ANKRD28: variants seen among roughly 807,000 people sequenced by gnomAD.
ANKRD28 encodes ankyrin repeat domain 28, also known as serine/threonine-protein phosphatase 6 regulatory ankyrin repeat subunit A.
A neutral mutation model predicts 126.5 loss-of-function variants in ANKRD28; 44 were observed. That is an observed-to-expected ratio of 0.35 (90% CI 0.27 to 0.45). ANKRD28 has a LOEUF of 0.45. Among genes scored for constraint, ANKRD28 ranks in the 20% least tolerant of loss-of-function variants. ANKRD28 has a pLI of 1.00. For synonymous variants in ANKRD28, 442 were observed against 468.5 expected, an observed-to-expected ratio of 0.94 and a Z score of 0.73; for missense variants, 1,110 against 1,316.6, an observed-to-expected ratio of 0.84 and a Z score of 2.43.
intron 3 of ANKRD28, among the ~76,000 whole-genome samples, chr3:15,762,016 T>C (rs1203715359): frequency 6.6e-6 from 1 of 151,816 alleles, no homozygotes; most frequent in Non-Finnish European, 1.5e-5. Flanking sequence ...TGAAACCCCA[T>C]CTCTACTAAA....
intron 4 of ANKRD28, among the ~76,000 whole-genome samples, chr3:15,750,299 TTTTA>T (rs1218548672): frequency 2.6e-5 from 4 of 152,252 alleles, no homozygotes; most frequent in African/African-American, 7.2e-5. Flanking sequence ...TCTTAACTGT[TTTTA>T]TTTAAATAAA....
chr3:15,678,151 G>A, intron 24 of ANKRD28, 58 bp downstream of exon 24: 1 of 1,489,490 alleles, frequency 6.7e-7, no homozygotes, highest in Non-Finnish European at 9.0e-7. Flanking sequence ...TGGGATCTAA[G>A]TTATACATAA....
chr3:15,704,253 C>T (rs564334340), intron 14 of ANKRD28, among the ~76,000 whole-genome samples: 133 of 152,076 alleles, frequency 8.7e-4, no homozygotes, highest in African/African-American at 3.2e-3. Context: ...ACCAAGAACG[C>T]AGGCATCAGG....
chr3:15,841,915 A>T (rs1232447786), intron 1 of ANKRD28, among the ~76,000 whole-genome samples: 1 of 152,092 alleles, frequency 6.6e-6, no homozygotes, highest in Non-Finnish European at 1.5e-5. Context: ...CATATGATCC[A>T]GTAATCCATC....
intron 12 of ANKRD28, 131 bp from the exon 13 acceptor site, chr3:15,709,867 A>T: frequency 1.8e-6 from 1 of 568,238 alleles, no homozygotes; most frequent in Non-Finnish European, 3.1e-6. Flanking sequence ...TTTACATTCT[A>T]TGAAGAATAA....
intron 1 of ANKRD28, among the ~76,000 whole-genome samples, chr3:15,828,297 GTC>G (rs1341237536): frequency 6.6e-6 from 1 of 152,084 alleles, no homozygotes; most frequent in African/African-American, 2.4e-5. Flanking sequence ...CCTTCTGAAA[GTC>G]TCAGAGAAAC....
chr3:15,690,282 TG>T, intron 17 of ANKRD28, 62 bp from the exon 18 acceptor site: 1 of 1,335,456 alleles, frequency 7.5e-7, no homozygotes, highest in Non-Finnish European at 1.0e-6. Context: ...CCTAAATACT[TG>T]AATAAATGTA....
At chr3:15,726,881 T>C (rs2074211732) in intron 6 of ANKRD28, among the ~76,000 whole-genome samples, 1 of 152,232 alleles carries the variant, frequency 6.6e-6, no homozygotes, top group Non-Finnish European at 1.5e-5. Context: ...TTCTGAAAAT[T>C]CTACAGCCCA....
chr3:15,675,748 G>C (rs190169647), intron 27 of ANKRD28, 150 bp downstream of exon 27: 4 of 555,362 alleles, frequency 7.2e-6, no homozygotes, highest in Non-Finnish European at 1.2e-5. Context: ...TATTTCTTTT[G>C]CCCTTATTCC....
chr3:15,726,599 T>A (rs1464703928), intron 6 of ANKRD28, among the ~76,000 whole-genome samples: 1 of 152,222 alleles, frequency 6.6e-6, no homozygotes, highest in Non-Finnish European at 1.5e-5. Context: ...AAGATGTCCC[T>A]GTAACAAAAG....
chr3:15,679,426 TA>T (rs770305765), intron 22 of ANKRD28, 42 bp from the exon 23 acceptor site: 54 of 1,613,020 alleles, frequency 3.3e-5, no homozygotes, highest in Non-Finnish European at 4.4e-5. Flanking sequence ...AGCAATGGTG[TA>T]TTTCTTAAAA....
chr3:15,727,613 G>A (rs1354498814), intron 6 of ANKRD28, among the ~76,000 whole-genome samples: 1 of 147,430 alleles, frequency 6.8e-6, no homozygotes, highest in Non-Finnish European at 1.5e-5. Context: ...GAACATTTCT[G>A]ATTCATGGGA....
intron 2 of ANKRD28, among the ~76,000 whole-genome samples, chr3:15,793,226 T>G (rs1424283036): frequency 1.3e-5 from 2 of 152,170 alleles, no homozygotes; most frequent in Non-Finnish European, 1.5e-5. Flanking sequence ...AAACCCCATA[T>G]GATTCCTTAT....
intron 8 of ANKRD28, among the ~76,000 whole-genome samples, chr3:15,716,300 T>TTC (rs2073038072): frequency 1.3e-5 from 2 of 149,170 alleles, no homozygotes; most frequent in East Asian, 2.0e-4. Flanking sequence ...TTTTTTTTTT[T>TTC]CCCTTAAAGA....
intron 8 of ANKRD28, among the ~76,000 whole-genome samples, chr3:15,716,003 T>G (rs1298793799): frequency 6.6e-6 from 1 of 151,902 alleles, no homozygotes; most frequent in African/African-American, 2.4e-5. Flanking sequence ...TCTTTTTTTT[T>G]TTTGAGACTT....
chr3:15,705,355 G>A (rs2071212507), intron 14 of ANKRD28, among the ~76,000 whole-genome samples: 1 of 152,072 alleles, frequency 6.6e-6, no homozygotes, highest in African/African-American at 2.4e-5. Flanking sequence ...CAGGTTTAGT[G>A]CATTTGTCTA....
At chr3:15,848,445 T>C (rs2061571427) in intron 1 of ANKRD28, among the ~76,000 whole-genome samples, 1 of 151,994 alleles carries the variant, frequency 6.6e-6, no homozygotes, top group Admixed American at 6.6e-5. Flanking sequence ...GAAGCCAAGG[T>C]AGGAGGATCA....
At chr3:15,842,937 C>T (rs2061454001) in intron 1 of ANKRD28, among the ~76,000 whole-genome samples, 1 of 152,168 alleles carries the variant, frequency 6.6e-6, no homozygotes, top group African/African-American at 2.4e-5. Context: ...CACACCCGGA[C>T]AGAAACAAGC....
In ANKRD28 at chr3:15,788,194, T is replaced by C. The variant is rs186933734; in HGVS notation, c.201+7029A>G. 1.6e-4 allele frequency among the ~76,000 whole-genome samples: 24 copies of C among 152,274 alleles called. No individual in the cohort carries two copies. In the East Asian group the frequency reaches 4.6e-3, roughly 29 times the overall value. On this transcript the variant is annotated intron_variant, in intron 2 of 27. Transcript: ENST00000683139. ...TGTCTTATTTGTCTCATCACTTGTTTGCAATGATAAAATGTAACAGCACTT... is the reference window on the plus strand; with the variant it reads ...TGTCTTATTTGTCTCATCACTTGTTCGCAATGATAAAATGTAACAGCACTT...
Sources: gnomAD v4.1 joint callset for allele counts (sites outside exome capture counted in the v4.1 genomes callset) on GRCh38, gnomAD v4.1.1 for gene constraint, MANE v1.5 for transcripts, NCBI Gene and HGNC (gene_info 2026-07-23, HGNC 2026-07-21) for gene names.